The following NRG1 variants were observed in gnomAD, a reference collection of about 807,000 sequenced individuals.
The protein encoded by NRG1 is neuregulin 1, also known as pro-neuregulin-1, membrane-bound isoform.
A neutral mutation model predicts 63.8 loss-of-function variants in NRG1; 18 were observed. The ratio of observed to expected loss-of-function variants is 0.28; its 90% CI spans 0.19 to 0.42. NRG1 has a LOEUF of 0.42. Ranked by LOEUF, NRG1 falls within the 10% of genes least tolerant of loss-of-function variation. The pLI, the probability that NRG1 is intolerant of heterozygous loss-of-function variation, is 1.00. For missense variants in NRG1, 762 were observed against 814.7 expected, an observed-to-expected ratio of 0.94 and a Z score of 0.79; for synonymous variants, 302 against 301.3, an observed-to-expected ratio of 1.00 and a Z score of -0.02.
At chr8:32,420,828 T>C (rs1433735560) in intron 1 of NRG1, among the ~76,000 whole-genome samples, 3 of 152,274 alleles carry the variant, frequency 2.0e-5, no homozygotes, top group Non-Finnish European at 4.4e-5. Context: ...ATAATCCCCA[T>C]GTGTCAAGGG....
intron 1 of NRG1, among the ~76,000 whole-genome samples, chr8:32,201,404 T>G (rs1397692335): frequency 6.6e-6 from 1 of 152,184 alleles, no homozygotes; most frequent in Non-Finnish European, 1.5e-5. Flanking sequence ...TCCTCTCTCT[T>G]ATGAGAAATA....
intron 1 of NRG1, among the ~76,000 whole-genome samples, chr8:31,686,468 G>A (rs138092077): frequency 1.1e-4 from 16 of 152,136 alleles, no homozygotes; most frequent in African/African-American, 3.6e-4. Context: ...GAAACTAATG[G>A]TAGTTTTTTT....
chr8:32,745,161 C>G (rs979181490), intron 7 of NRG1, among the ~76,000 whole-genome samples: 2 of 152,002 alleles, frequency 1.3e-5, no homozygotes, highest in African/African-American at 2.4e-5. Context: ...TAAATTTGTG[C>G]TGCTCTAAGA....
intron 2 of NRG1, among the ~76,000 whole-genome samples, chr8:32,601,615 T>C (rs1365259252): frequency 6.6e-6 from 1 of 152,172 alleles, no homozygotes; most frequent in Admixed American, 6.5e-5. Context: ...ATTTCATTCA[T>C]AGTTGTCTGC....
chr8:31,976,135 C>T (rs73232416), intron 1 of NRG1, among the ~76,000 whole-genome samples: 13,876 of 152,088 alleles, frequency 0.091, 849 homozygotes, highest in Middle Eastern at 0.14. Flanking sequence ...TTAATATAGG[C>T]GTTTTGAGGA....
At chr8:32,599,202 C>T (rs1843887508) in intron 2 of NRG1, among the ~76,000 whole-genome samples, 1 of 151,958 alleles carries the variant, frequency 6.6e-6, no homozygotes, top group Non-Finnish European at 1.5e-5. Flanking sequence ...CTAAGATATT[C>T]AGACTATTAG....
chr8:32,444,110 G>T (rs938405536), intron 1 of NRG1, among the ~76,000 whole-genome samples: 2 of 110,312 alleles, frequency 1.8e-5, no homozygotes, highest in Admixed American at 1.2e-4. Context: ...CTTTCTTTCT[G>T]TCTGTCTGTC....
chr8:32,530,854 G>T (rs1462345757), intron 1 of NRG1, among the ~76,000 whole-genome samples: 4 of 152,190 alleles, frequency 2.6e-5, no homozygotes, highest in African/African-American at 9.7e-5. Context: ...CACTTTGTAA[G>T]GCTGAGGCAG....
intron 1 of NRG1, among the ~76,000 whole-genome samples, chr8:32,445,067 G>A (rs556857398): frequency 5.9e-5 from 9 of 152,222 alleles, no homozygotes; most frequent in Admixed American, 4.6e-4. Context: ...ACCTGAGGGC[G>A]ATACACTATA....
At chr8:31,824,228 A>C (rs536359967) in intron 1 of NRG1, among the ~76,000 whole-genome samples, 1 of 129,262 alleles carries the variant, frequency 7.7e-6, no homozygotes, top group African/African-American at 3.0e-5. Context: ...CCTGTGTCCA[A>C]GTGTTCTCAC....
intron 1 of NRG1, among the ~76,000 whole-genome samples, chr8:31,821,170 CAATGTTTTGG>C (rs1304634324): frequency 6.6e-6 from 1 of 152,096 alleles, no homozygotes; most frequent in Non-Finnish European, 1.5e-5. Flanking sequence ...AATACAGATG[CAATGTTTTGG>C]AATGTTTTGG....
In NRG1 at chr8:32,222,076, C is replaced by G. The variant is rs138210908; in HGVS notation, c.38-373752C>G. ...ACACACACACACACATGCACACACA[C>G]TTTTTCCAGGCCACAGACAGGAAGA... On this transcript the variant is annotated intron_variant, in intron 1 of 10. Transcript: ENST00000519301. Among the ~76,000 whole-genome samples the G allele has an allele frequency of 3.8e-3, 570 of 151,814 alleles. 10 individuals carry two copies. Among genetic ancestry groups the G allele is most frequent in the Admixed American group, 0.033 (495 of 15,230 alleles).
rs36074483 is a variant in NRG1, at chr8:31,648,124, C to CTTTTTT, written c.37+8715_37+8720dup. ...TTCTGTCTTTACAAATTTGACTACT[C>CTTTTTT]TTTTTTTTTTTTTTTTTTTTTTTTT... On this transcript the variant is annotated intron_variant, in intron 1 of 10. Coordinates refer to the NRG1 transcript ENST00000519301. Among the ~76,000 whole-genome samples the CTTTTTT allele has an allele frequency of 3.1e-4, 16 of 51,308 alleles. 1 individual carries two copies. Among genetic ancestry groups the CTTTTTT allele is most frequent in the East Asian group, 7.5e-4 (1 of 1,342 alleles). 33.7% of individuals were successfully genotyped at this position (51,308 alleles called of 152,430 possible).
chr8:32,198,610 G>T (rs1301969036), intron 1 of NRG1, among the ~76,000 whole-genome samples: 1 of 152,188 alleles, frequency 6.6e-6, no homozygotes, highest in Non-Finnish European at 1.5e-5. Flanking sequence ...AAAGTTGAAA[G>T]AAAGGATAGG....
intron 1 of NRG1, among the ~76,000 whole-genome samples, chr8:32,402,378 C>A (rs1207284755): frequency 3.9e-5 from 6 of 151,932 alleles, no homozygotes; most frequent in Non-Finnish European, 7.4e-5. Context: ...GCTTTGATTT[C>A]TTTGGTTTCA....
At chr8:32,586,512 G>A (rs1195965937) in intron 1 of NRG1, among the ~76,000 whole-genome samples, 1 of 152,014 alleles carries the variant, frequency 6.6e-6, no homozygotes, top group Non-Finnish European at 1.5e-5. Context: ...GGTTTACATA[G>A]CTCATTATAA....
At chr8:32,682,876 T>C (rs1485342042) in intron 5 of NRG1, among the ~76,000 whole-genome samples, 1 of 152,164 alleles carries the variant, frequency 6.6e-6, no homozygotes, top group African/African-American at 2.4e-5. Flanking sequence ...TTTTTACAAA[T>C]ATTTAAGAAA....
chr8:31,763,862 A>G (rs1206920450), intron 1 of NRG1, among the ~76,000 whole-genome samples: 1 of 151,844 alleles, frequency 6.6e-6, no homozygotes, highest in African/African-American at 2.4e-5. Context: ...AGGCAGGAGA[A>G]TGGCGTGAAC....
chr8:31,953,234 T>C (rs1336152880), intron 1 of NRG1, among the ~76,000 whole-genome samples: 2 of 152,230 alleles, frequency 1.3e-5, no homozygotes, highest in East Asian at 3.8e-4. Context: ...CTGCAATTTA[T>C]TTTGAAATGC....
Sources: gnomAD v4.1 joint callset for allele counts (sites outside exome capture counted in the v4.1 genomes callset) on GRCh38, gnomAD v4.1.1 for gene constraint, MANE v1.5 for transcripts, NCBI Gene and HGNC (gene_info 2026-07-23, HGNC 2026-07-21) for gene names.